The following ZNF728 variants were observed in gnomAD, a reference collection of about 807,000 sequenced individuals.
ZNF728 encodes the protein zinc finger protein 728.
Under a neutral mutation model 12.5 loss-of-function variants are expected in ZNF728, and 12 were observed. That is an observed-to-expected ratio of 0.96 (90% CI 0.61 to 1.55). The LOEUF (loss-of-function observed/expected upper bound fraction) is 1.55, where lower values mean the gene tolerates loss of function less well. ZNF728 is among the 40% of genes most tolerant of loss of function. ZNF728 has a pLI of 0.00. For synonymous variants in ZNF728, 205 were observed against 240.7 expected (o/e 0.85, Z 1.37); for missense variants, 692 against 719.2 (o/e 0.96, Z 0.43).
At chr19:22,989,581 A>G (rs1171323871) in intron 1 of ZNF728, among the ~76,000 whole-genome samples, 2 of 152,110 alleles carry the variant, frequency 1.3e-5, no homozygotes, top group Admixed American at 6.6e-5. Flanking sequence ...CACTAGAACA[A>G]ATTTTTATAA....
intron 2 of ZNF728, 115 bp downstream of exon 2, chr19:22,988,210 C>T (rs1394367158): frequency 3.0e-5 from 47 of 1,566,346 alleles, no homozygotes; most frequent in Non-Finnish European, 3.8e-5. Flanking sequence ...TCCAAATATA[C>T]TCTTTTGTCT....
intron 1 of ZNF728, among the ~76,000 whole-genome samples, chr19:22,989,873 A>G (rs1423902455): frequency 2.0e-5 from 3 of 152,184 alleles, no homozygotes; most frequent in African/African-American, 7.2e-5. Flanking sequence ...CATAGACATA[A>G]TAAGGAACAC....
chr19:22,976,444 G>T lies in ZNF728; in HGVS notation c.893C>A (p.Thr298Asn), dbSNP rs1407688032. The change falls in exon 4 of 4, where the codon ACC becomes AAC. Residue 298 changes from threonine (T) to asparagine (N), a missense_variant. This residue lies in a region of ZNF728 where 440 missense variants were observed against 459.6 expected (regional missense o/e 0.96). Coordinates refer to ENST00000594710, the MANE Select transcript of ZNF728 (RefSeq NM_001267716.2). ...ECGKAFSKAS[T>N]LTAHKTIHAG... ...ATGAATTGTCTTATGTGCAGTAAGG[G>T]TTGAGGCCTTACTAAAGGCTTTGCC... 6.2e-7 allele frequency: 1 copy of T among 1,610,356 alleles called. No individual in the cohort carries two copies. The highest frequency in any genetic ancestry group is 1.7e-5 in the Admixed American group (1 of 59,708).
chr19:22,983,329 T>C (rs1285988515), intron 3 of ZNF728, among the ~76,000 whole-genome samples: 2 of 152,144 alleles, frequency 1.3e-5, no homozygotes, highest in South Asian at 2.1e-4. Flanking sequence ...CCAGTTAGAA[T>C]GGTGATCATT....
rs1288716378 is a variant in ZNF728, at chr19:22,976,224, T to G, written c.1113A>C (p.Glu371Asp). The stretch of plus-strand genomic sequence containing the variant: ...GCCAGCTGAAGGCTTTGCCACATTC[T>G]TCACATTTGTAGGGTTTCTCTCCAG... ...IHTGEKPYKCEECGKAFSWPS... is the reference protein window; with the variant it reads ...IHTGEKPYKCDECGKAFSWPS... Residue 371 changes from glutamate (E) to aspartate (D), a missense_variant, in exon 4 of 4, where the codon GAA becomes GAC. Around this residue, in one of 3 missense-constraint regions of ZNF728, gnomAD observed 440 missense variants for 459.6 expected, o/e 0.96. Transcript: ENST00000594710. 2 of 1,613,488 alleles carry G rather than the reference T, an allele frequency of 1.2e-6. No homozygotes were observed. Among genetic ancestry groups the G allele is most frequent in the African/African-American group, 2.7e-5 (2 of 74,940 alleles).
intron 1 of ZNF728, among the ~76,000 whole-genome samples, chr19:22,994,477 G>A (rs1294310976): frequency 3.3e-5 from 5 of 152,202 alleles, no homozygotes; most frequent in African/African-American, 1.2e-4. Flanking sequence ...AATTACATGT[G>A]AATGTGACAT....
intron 3 of ZNF728, among the ~76,000 whole-genome samples, chr19:22,980,097 C>T (rs1968845330): frequency 6.7e-6 from 1 of 150,226 alleles, no homozygotes; most frequent in Non-Finnish European, 1.5e-5. Context: ...CATCTAAGTG[C>T]TGTATTCAAG....
chr19:22,976,736 AG>A lies in ZNF728; in HGVS notation c.600del (p.Tyr201ThrfsTer48), dbSNP rs761661409. ...GCTTTGCCATGTTCTTCACTTTTGT[AG>A]GAATTCTCTCTAGTATAAATTCTTT... Reference protein sequence around the residue: ...QHKRIYTRENSYKSEEHGKAF... With the variant: ...QHKRIYTRENXYKSEEHGKAF... On this transcript the variant is annotated frameshift_variant, in exon 4 of 4. Transcript: ENST00000594710. LOFTEE classifies it low-confidence loss of function (END_TRUNC). 2 of 1,613,450 alleles carry A rather than the reference AG, an allele frequency of 1.2e-6. No individual in the cohort carries two copies. Among genetic ancestry groups the A allele is most frequent in the South Asian group, 1.1e-5 (1 of 91,078 alleles).
chr19:22,988,478 T>C, intron 1 of ZNF728, 27 bp from the exon 2 acceptor site: 1 of 1,611,224 alleles, frequency 6.2e-7, no homozygotes, highest in Non-Finnish European at 8.5e-7. Flanking sequence ...AACACACATA[T>C]TTACCAAGTG....
At chr19:22,982,514 A>G (rs374176389) in intron 3 of ZNF728, among the ~76,000 whole-genome samples, 1 of 152,124 alleles carries the variant, frequency 6.6e-6, no homozygotes, top group South Asian at 2.1e-4. Context: ...GAAAAAACTA[A>G]ATTTAATATG....
intron 1 of ZNF728, among the ~76,000 whole-genome samples, chr19:22,990,017 A>G (rs1378907008): frequency 6.6e-6 from 1 of 152,186 alleles, no homozygotes; most frequent in African/African-American, 2.4e-5. Flanking sequence ...GCAGATTATA[A>G]AATCATAGTG....
At chr19:23,002,005 C>T (rs1033513620) in intron 1 of ZNF728, among the ~76,000 whole-genome samples, 4 of 152,110 alleles carry the variant, frequency 2.6e-5, no homozygotes, top group Admixed American at 1.3e-4. Flanking sequence ...GCTGTAGTTC[C>T]TAATTTCTAC....
chr19:22,983,438 G>A (rs1243067012), intron 3 of ZNF728, among the ~76,000 whole-genome samples: 1 of 152,202 alleles, frequency 6.6e-6, no homozygotes, highest in Non-Finnish European at 1.5e-5. Flanking sequence ...CATTGTGGAA[G>A]ACAATGTGGT....
Position 22,975,859 on chromosome 19 carries a change from G to C in ZNF728, c.1478C>G (p.Ser493Ter). 1 of 1,612,286 alleles carries C rather than the reference G, an allele frequency of 6.2e-7. No individual in the cohort carries two copies. Among genetic ancestry groups the C allele is most frequent in the Non-Finnish European group, 8.5e-7 (1 of 1,179,338 alleles). Residue 493 changes from serine to a stop codon, truncating the protein, a stop_gained, in exon 4 of 4, where the codon TCA becomes TGA. Coordinates refer to ENST00000594710, the MANE Select transcript of ZNF728 (RefSeq NM_001267716.2). LOFTEE classifies it low-confidence loss of function (END_TRUNC). Reference sequence around the variant, plus strand: ...AATTCTCTTATGTTCCATAAGGTTTGAGGACCACTTAAAGGCTTTGCCACA... The same window carrying C: ...AATTCTCTTATGTTCCATAAGGTTTCAGGACCACTTAAAGGCTTTGCCACA... Reference protein sequence around the residue: ...EECGKAFKWSSNLMEHKRIHT... With the variant: ...EECGKAFKWS
rs1384111679 is a variant in ZNF728 at position 22,975,695 on chromosome 19, A to G, written c.1642T>C (p.Ser548Pro). Residue 548 changes from serine to proline, a missense_variant, in exon 4 of 4, where the codon TCC becomes CCC. Transcript: ENST00000594710. ...CEECGKAFIW[S>P]SRLSEHKRIH... Reference sequence around the variant, plus strand: ...CTCTTATGTTCACTAAGTCTTGAGGACCAGATGAAGGCTTTGCCACATTCT... The same window carrying G: ...CTCTTATGTTCACTAAGTCTTGAGGGCCAGATGAAGGCTTTGCCACATTCT... 6.2e-7 allele frequency: 1 copy of G among 1,611,410 alleles called. No homozygotes were observed. The highest frequency in any genetic ancestry group is 1.3e-5 in the African/African-American group (1 of 74,748).
intron 3 of ZNF728, among the ~76,000 whole-genome samples, chr19:22,980,121 G>A (rs1328848695): frequency 1.3e-5 from 2 of 149,390 alleles, no homozygotes; most frequent in African/African-American, 4.9e-5. Flanking sequence ...CCCATCTCAT[G>A]TGCAAAGACA....
intron 1 of ZNF728, among the ~76,000 whole-genome samples, chr19:22,998,998 G>A (rs1969078641): frequency 6.6e-6 from 1 of 152,008 alleles, no homozygotes; most frequent in Admixed American, 6.5e-5. Flanking sequence ...CTTCCCACAG[G>A]CTCCTGAACT....
At chr19:22,978,998 C>G (rs1220768616) in intron 3 of ZNF728, among the ~76,000 whole-genome samples, 1 of 152,128 alleles carries the variant, frequency 6.6e-6, no homozygotes, top group Non-Finnish European at 1.5e-5. Context: ...CAAAACTGAA[C>G]AGAGAATGAG....
chr19:22,999,547 T>G (rs552963200), intron 1 of ZNF728, among the ~76,000 whole-genome samples: 3 of 152,258 alleles, frequency 2.0e-5, no homozygotes, highest in East Asian at 3.9e-4. Context: ...AAAATTAACC[T>G]TCGCTCGCAG....
Sources: allele counts gnomAD v4.1 joint callset (sites outside exome capture counted in the v4.1 genomes callset), GRCh38; gene constraint gnomAD v4.1.1; regional missense constraint gnomAD v4.1.1; transcripts MANE v1.5; gene names NCBI Gene and HGNC (gene_info 2026-07-23, HGNC 2026-07-21).